PTPRD: variants seen among roughly 807,000 people sequenced by gnomAD.
PTPRD encodes protein tyrosine phosphatase receptor type D.
PTPRD carries 34 observed loss-of-function variants against 214.5 expected under a neutral mutation model. The ratio of observed to expected loss-of-function variants is 0.16; its 90% CI spans 0.12 to 0.21. The LOEUF (loss-of-function observed/expected upper bound fraction) is 0.21. Ranked by LOEUF, PTPRD falls within the 10% of genes least tolerant of loss-of-function variation. The pLI, the probability that PTPRD is intolerant of heterozygous loss-of-function variation, is 1.00. For missense variants in PTPRD, 2,545 were observed against 2,398.7 expected, an observed-to-expected ratio of 1.06 and a Z score of -1.27; for synonymous variants, 1,128 against 845.7, an observed-to-expected ratio of 1.33 and a Z score of -5.79.
intron 5 of PTPRD, among the ~76,000 whole-genome samples, chr9:9,911,936 T>C (rs193222231): frequency 3.5e-4 from 54 of 152,224 alleles, no homozygotes; most frequent in Non-Finnish European, 7.1e-4. Context: ...TTGTCACTGT[T>C]ATGGAACCAG....
chr9:8,637,068 T>C (rs2096459397), intron 12 of PTPRD, among the ~76,000 whole-genome samples: 1 of 152,190 alleles, frequency 6.6e-6, no homozygotes, highest in African/African-American at 2.4e-5. Context: ...AGTGCTTTTA[T>C]TGCTGAAATC....
intron 2 of PTPRD, among the ~76,000 whole-genome samples, chr9:10,482,493 G>A (rs1284244904): frequency 2.2e-5 from 3 of 133,726 alleles, no homozygotes; most frequent in Non-Finnish European, 4.7e-5. Context: ...TTATCTATTT[G>A]CCAATGATAT....
In PTPRD at chr9:9,781,942, A is replaced by G. The variant is rs868339639; in HGVS notation, c.-367-15091T>C. 1.2e-4 allele frequency among the ~76,000 whole-genome samples: 18 copies of G among 151,944 alleles called. 1 individual carries two copies. The highest frequency in any genetic ancestry group is 1.6e-4 in the Non-Finnish European group (11 of 67,918). Reference sequence around the variant, plus strand: ...CAAGTAGCTGGGACTACAGGCGCCCACTACCACGCCCGGCTAATTTTATGT... The same window carrying G: ...CAAGTAGCTGGGACTACAGGCGCCCGCTACCACGCCCGGCTAATTTTATGT... On this transcript the variant is annotated intron_variant, in intron 5 of 45. Transcript: ENST00000381196.
At chr9:8,748,063 C>T (rs1402003011) in intron 11 of PTPRD, among the ~76,000 whole-genome samples, 2 of 152,170 alleles carry the variant, frequency 1.3e-5, no homozygotes, top group East Asian at 1.9e-4. Flanking sequence ...ATGTTAACGA[C>T]ATTGAAGGCA....
intron 39 of PTPRD, among the ~76,000 whole-genome samples, chr9:8,352,972 G>A (rs1220561834): frequency 6.6e-6 from 1 of 152,030 alleles, no homozygotes; most frequent in African/African-American, 2.4e-5. Flanking sequence ...TTAGCTGGGC[G>A]TGGTGGCACA....
chr9:10,420,557 G>C (rs1041838623), intron 2 of PTPRD, among the ~76,000 whole-genome samples: 1 of 151,670 alleles, frequency 6.6e-6, no homozygotes, highest in East Asian at 2.0e-4. Context: ...ACAAACGACG[G>C]GGGGGCTGAA....
chr9:9,001,858 T>C (rs1213645034), intron 11 of PTPRD, among the ~76,000 whole-genome samples: 1 of 151,988 alleles, frequency 6.6e-6, no homozygotes, highest in Non-Finnish European at 1.5e-5. Context: ...GGCACATATT[T>C]TTCTTCTTTG....
intron 3 of PTPRD, among the ~76,000 whole-genome samples, chr9:10,219,922 G>A (rs1366470250): frequency 6.6e-6 from 1 of 151,594 alleles, no homozygotes; most frequent in Non-Finnish European, 1.5e-5. Flanking sequence ...TAGCAAAAGA[G>A]CTACATTGTT....
intron 3 of PTPRD, among the ~76,000 whole-genome samples, chr9:10,328,030 G>C (rs1394655780): frequency 1.3e-5 from 2 of 151,688 alleles, no homozygotes; most frequent in Non-Finnish European, 2.9e-5. Context: ...CATGTTGTAA[G>C]CTTCCTGCCC....
intron 10 of PTPRD, among the ~76,000 whole-genome samples, chr9:9,136,245 T>C (rs1442553913): frequency 6.6e-6 from 1 of 152,024 alleles, no homozygotes; most frequent in Non-Finnish European, 1.5e-5. Context: ...CATTCCAACT[T>C]GATTTTTAAG....
chr9:8,984,037 C>T lies in PTPRD; in HGVS notation c.-104+34660G>A, dbSNP rs542900858. 1.7e-4 allele frequency among the ~76,000 whole-genome samples: 26 copies of T among 152,052 alleles called. No individual in the cohort carries two copies. In the East Asian group the frequency reaches 4.1e-3, roughly 24 times the overall value. Reference sequence around the variant, plus strand: ...AATAGTGGCAATTTCTATACTATAACGTATATTTAGTATGTGTGTTTTCTA... The same window carrying T: ...AATAGTGGCAATTTCTATACTATAATGTATATTTAGTATGTGTGTTTTCTA... On this transcript the variant is annotated intron_variant, in intron 11 of 45. Coordinates refer to ENST00000381196, the MANE Select transcript of PTPRD (RefSeq NM_002839.4).
Position 9,738,438 on chromosome 9 carries a change from AC to A in PTPRD, c.-325-3868del, listed in dbSNP as rs1378911211. Among the ~76,000 whole-genome samples, 26 of 54,296 alleles carry A rather than the reference AC, an allele frequency of 4.8e-4. No homozygotes were observed. The East Asian group carries it at 6.5e-3, about 14-fold the overall frequency. 35.6% of individuals were successfully genotyped at this position (54,296 alleles called of 152,430 possible). ...ATGTATTAAAATTCTTCACTCACTC[AC>A]TTTTTTTTTTTTTTTTTTTTTTGAG... On this transcript the variant is annotated intron_variant, in intron 6 of 45. Coordinates refer to ENST00000381196, the MANE Select transcript of PTPRD (RefSeq NM_002839.4).
At chr9:9,422,517 T>C (rs2142614329) in intron 8 of PTPRD, among the ~76,000 whole-genome samples, 1 of 152,190 alleles carries the variant, frequency 6.6e-6, no homozygotes, top group African/African-American at 2.4e-5. Context: ...AGGACAAAGA[T>C]CCCGGAAGGA....
rs1325260617 is a variant in PTPRD at position 8,632,977 on chromosome 9, C to T, written c.352+340G>A. On this transcript the variant is annotated intron_variant, in intron 14 of 45. Coordinates refer to ENST00000381196, the MANE Select transcript of PTPRD (RefSeq NM_002839.4). ...TTGTAAAAAACGTAGCTGCTGAATA[C>T]AGTATGAAAAATCCATGCACGAGTA... 2.6e-5 allele frequency among the ~76,000 whole-genome samples: 4 copies of T among 151,912 alleles called. No homozygotes were observed. The East Asian group carries it at 5.8e-4, about 22-fold the overall frequency.
intron 2 of PTPRD, among the ~76,000 whole-genome samples, chr9:10,534,486 G>A (rs1481218434): frequency 6.6e-6 from 1 of 151,992 alleles, no homozygotes; most frequent in African/African-American, 2.4e-5. Context: ...GAAGGCAAAA[G>A]CAATGGTTTT....
intron 3 of PTPRD, among the ~76,000 whole-genome samples, chr9:10,199,848 A>T (rs1025801879): frequency 7.2e-5 from 11 of 151,800 alleles, no homozygotes; most frequent in Admixed American, 2.6e-4. Context: ...AAGTAAAAAG[A>T]TGGAGGCAAT....
intron 5 of PTPRD, among the ~76,000 whole-genome samples, chr9:9,814,926 A>T (rs1426856615): frequency 6.6e-6 from 1 of 150,460 alleles, no homozygotes; most frequent in Non-Finnish European, 1.5e-5. Context: ...CAGCCTCTTG[A>T]GTAGCTGGGA....
At chr9:9,769,444 G>C (rs1260795561) in intron 5 of PTPRD, among the ~76,000 whole-genome samples, 1 of 145,236 alleles carries the variant, frequency 6.9e-6, no homozygotes, top group Non-Finnish European at 1.5e-5. Context: ...TCCTGCCTCA[G>C]CCTCCCGAGC....
chr9:9,447,658 C>T (rs1396690278), intron 8 of PTPRD, among the ~76,000 whole-genome samples: 1 of 151,926 alleles, frequency 6.6e-6, no homozygotes, highest in Non-Finnish European at 1.5e-5. Flanking sequence ...ACATGTACCC[C>T]TGAAATTAAA....
Sources: allele counts gnomAD v4.1 joint callset (sites outside exome capture counted in the v4.1 genomes callset), GRCh38; gene constraint gnomAD v4.1.1; transcripts MANE v1.5; gene names NCBI Gene and HGNC (gene_info 2026-07-23, HGNC 2026-07-21).